USH2A: variants seen among roughly 807,000 people sequenced by gnomAD.
The protein encoded by USH2A is Usher syndrome 2A (autosomal recessive, mild).
USH2A carries 443 observed loss-of-function variants against 538.9 expected under a neutral mutation model. The observed-to-expected ratio is 0.82, with a 90% CI of 0.76 to 0.89. USH2A has a LOEUF of 0.89. USH2A is among the 40% of genes least tolerant of loss of function. USH2A has a pLI of 0.00. For synonymous variants in USH2A, 2,413 were observed against 2,273.5 expected (o/e 1.06, Z -1.75); for missense variants, 6,633 against 6,324.8 (o/e 1.05, Z -1.65).
intron 49 of USH2A, among the ~76,000 whole-genome samples, chr1:215,809,101 T>C (rs1017632069): frequency 6.6e-6 from 1 of 152,300 alleles, no homozygotes; most frequent in East Asian, 1.9e-4. Flanking sequence ...AACGAGCTTA[T>C]TGTAAACAGT....
intron 15 of USH2A, among the ~76,000 whole-genome samples, chr1:216,210,532 C>T (rs2035217686): frequency 2.6e-5 from 4 of 152,026 alleles, no homozygotes; most frequent in Admixed American, 2.6e-4. Flanking sequence ...AAGCAGGGAC[C>T]CCTCTTCTTC....
chr1:216,356,742 G>C (rs1484946773), intron 4 of USH2A, among the ~76,000 whole-genome samples: 1 of 151,850 alleles, frequency 6.6e-6, no homozygotes, highest in East Asian at 1.9e-4. Context: ...ACTGATTCCA[G>C]TTATTTGTTA....
At chr1:216,178,115 C>T (rs1346336339) in intron 20 of USH2A, among the ~76,000 whole-genome samples, 1 of 152,100 alleles carries the variant, frequency 6.6e-6, no homozygotes, top group African/African-American at 2.4e-5. Context: ...GACCTTCGGC[C>T]AGCTTTTCAA....
intron 20 of USH2A, among the ~76,000 whole-genome samples, chr1:216,176,432 T>C (rs1282524512): frequency 1.4e-5 from 2 of 142,880 alleles, no homozygotes; most frequent in African/African-American, 2.4e-5. Flanking sequence ...TTTATGTTCA[T>C]AGAAAAATTG....
intron 20 of USH2A, among the ~76,000 whole-genome samples, chr1:216,185,447 T>C (rs1245733170): frequency 6.6e-6 from 1 of 151,986 alleles, no homozygotes; most frequent in Non-Finnish European, 1.5e-5. Context: ...GGGGGCAACA[T>C]ATCTTTTCAT....
rs369257205 is a variant in USH2A at position 216,315,656 on chromosome 1, A to G, written c.1644+6227T>C. On this transcript the variant is annotated intron_variant, in intron 9 of 71. Coordinates refer to ENST00000307340, the MANE Select transcript of USH2A (RefSeq NM_206933.4). ...AACACTAGTTTTGCCAGATGTTACC[A>G]TGGGACAAATTGGTAGAGTACACAA... is the stretch of plus-strand genomic sequence containing the variant. Among the ~76,000 whole-genome samples, 14 of 152,336 alleles carry G rather than the reference A, an allele frequency of 9.2e-5. 1 individual carries two copies. Among genetic ancestry groups the G allele is most frequent in the Admixed American group, 3.9e-4 (6 of 15,302 alleles).
At chr1:216,105,416 C>T (rs531688306) in intron 21 of USH2A, among the ~76,000 whole-genome samples, 45 of 151,770 alleles carry the variant, frequency 3.0e-4, no homozygotes, top group Non-Finnish European at 5.4e-4. Flanking sequence ...AGATTGTACT[C>T]GCCCCATTGA....
chr1:215,702,473 G>A (rs1427793145), intron 61 of USH2A, among the ~76,000 whole-genome samples: 2 of 152,030 alleles, frequency 1.3e-5, no homozygotes, highest in African/African-American at 4.8e-5. Flanking sequence ...ATGTAGGTTT[G>A]ATCTTTTCAC....
chr1:215,838,168 G>T lies in USH2A; in HGVS notation c.9259-65C>A. On this transcript the variant is annotated intron_variant, in intron 46 of 71. Transcript: ENST00000307340. ...TTGAAATACTTACTAACAATAGTCT[G>T]AATCCCACCTTCCCTCATTTCACAT... The T allele has an allele frequency of 4.9e-6, 6 of 1,227,012 alleles. No homozygotes were observed. In the South Asian group the frequency reaches 6.0e-5, roughly 12 times the overall value. The allele number at this position is 1,227,012 out of a possible 1,614,324, so 76.0% of individuals were successfully genotyped here. A position where few individuals can be genotyped will look rare whatever the true frequency, so the allele number is the denominator to read the frequency against.
intron 61 of USH2A, among the ~76,000 whole-genome samples, chr1:215,700,296 T>C (rs567279825): frequency 1.4e-3 from 220 of 152,336 alleles, no homozygotes; most frequent in African/African-American, 5.0e-3. Flanking sequence ...TGCCAGGTTT[T>C]GGTATCAGGA....
At chr1:215,699,299 T>C (rs778304965) in intron 61 of USH2A, among the ~76,000 whole-genome samples, 22 of 152,172 alleles carry the variant, frequency 1.4e-4, no homozygotes, top group Non-Finnish European at 3.2e-4. Flanking sequence ...CTTGGTTATA[T>C]GGGCTCTTTT....
chr1:216,388,894 A>C (rs918427512), intron 3 of USH2A, among the ~76,000 whole-genome samples: 10 of 152,214 alleles, frequency 6.6e-5, no homozygotes, highest in Admixed American at 1.3e-4. Flanking sequence ...GGTGTTCTTC[A>C]AACAGTTAAC....
intron 57 of USH2A, 109 bp downstream of exon 57, chr1:215,759,551 G>A (rs1298293502): frequency 3.0e-6 from 4 of 1,352,808 alleles, no homozygotes; most frequent in Non-Finnish European, 3.1e-6. Flanking sequence ...AATGAATGAG[G>A]AAGTTAATTA....
At chr1:215,958,375 T>C (rs566919351) in intron 37 of USH2A, among the ~76,000 whole-genome samples, 1 of 152,302 alleles carries the variant, frequency 6.6e-6, no homozygotes, top group Non-Finnish European at 1.5e-5. Flanking sequence ...TTCTGGGTGC[T>C]AGGATTTTTC....
intron 35 of USH2A, among the ~76,000 whole-genome samples, chr1:215,989,177 T>G (rs1390431566): frequency 6.6e-6 from 1 of 152,246 alleles, no homozygotes; most frequent in Non-Finnish European, 1.5e-5. Context: ...CAAGTCTTTG[T>G]TCATGTTTAT....
At chr1:216,312,656 A>G (rs970788938) in intron 9 of USH2A, among the ~76,000 whole-genome samples, 2 of 151,994 alleles carry the variant, frequency 1.3e-5, no homozygotes, top group Admixed American at 6.6e-5. Context: ...CAGAATTTTT[A>G]TCTTTCAGCT....
At chr1:215,856,362 A>G (rs1045246119) in intron 44 of USH2A, among the ~76,000 whole-genome samples, 2 of 152,212 alleles carry the variant, frequency 1.3e-5, no homozygotes, top group African/African-American at 4.8e-5. Flanking sequence ...CAATCAAGTC[A>G]AAAAGTGGGC....
chr1:216,205,695 A>C (rs2035097422), intron 16 of USH2A, among the ~76,000 whole-genome samples: 1 of 152,214 alleles, frequency 6.6e-6, no homozygotes, highest in African/African-American at 2.4e-5. Context: ...TGGTTAAAGT[A>C]GAATTTGGAA....
At position 215,965,451 on chromosome 1, in the gene USH2A, G is replaced by T. The variant is rs554957414; in HGVS notation, c.6986C>A (p.Pro2329His). The change falls in exon 37 of 72, where the codon CCT becomes CAT. Residue 2329 changes from proline (P) to histidine (H), a missense_variant. By Grantham distance (77) the Pro-to-His change is moderately conservative (BLOSUM62 -2). Coordinates refer to ENST00000307340, the MANE Select transcript of USH2A (RefSeq NM_206933.4). ...GACAAACACATTTACTGTTCCTTCA[G>T]GAGGAGCTTCTAGAGTTCGATTTTC... ...LVENRTLEAP[P>H]EGTVNVFVKT... 2.5e-6 allele frequency: 4 copies of T among 1,613,668 alleles called. No individual in the cohort carries two copies. In the East Asian group the frequency reaches 8.9e-5, roughly 36 times the overall value.
Sources: gnomAD v4.1 joint callset for allele counts (sites outside exome capture counted in the v4.1 genomes callset) on GRCh38, gnomAD v4.1.1 for gene constraint, MANE v1.5 for transcripts, NCBI Gene and HGNC (gene_info 2026-07-23, HGNC 2026-07-21) for gene names.